KCNT1: variants seen among roughly 807,000 people sequenced by gnomAD.
KCNT1 encodes potassium channel subfamily T member 1.
KCNT1 carries 78 observed loss-of-function variants against 147.8 expected under a neutral mutation model. The ratio of observed to expected loss-of-function variants is 0.53; its 90% confidence interval spans 0.44 to 0.64. The LOEUF is 0.64. Ranked by LOEUF, KCNT1 falls within the 30% of genes least tolerant of loss-of-function variation. The probability of loss-of-function intolerance (pLI) is 0.00; values close to 1 mark genes in which losing one functional copy is unlikely to be tolerated. For missense variants in KCNT1, 1,419 were observed against 1,750.3 expected (o/e 0.81, Z 3.38); for synonymous variants, 867 against 748.8 (o/e 1.16, Z -2.58).
At chr9:135,727,827 G>A (rs1836282392) in intron 2 of KCNT1, among the ~76,000 whole-genome samples, 1 of 152,212 alleles carries the variant, frequency 6.6e-6, no homozygotes, top group Non-Finnish European at 1.5e-5. Flanking sequence ...CAGAGCAGCC[G>A]AAGGATGACC....
chr9:135,710,866 A>G (rs906053719), intron 1 of KCNT1, among the ~76,000 whole-genome samples: 2 of 152,222 alleles, frequency 1.3e-5, no homozygotes, highest in Non-Finnish European at 2.9e-5. Flanking sequence ...TTAGACCCTC[A>G]GGAAGAAGAC....
At chr9:135,725,500 G>T (rs992603966) in intron 2 of KCNT1, among the ~76,000 whole-genome samples, 1 of 152,214 alleles carries the variant, frequency 6.6e-6, no homozygotes, top group African/African-American at 2.4e-5. Context: ...TGGAGACGGC[G>T]GAGGACCCGC....
chr9:135,706,085 G>GA (rs1835243089), intron 1 of KCNT1, among the ~76,000 whole-genome samples: 1 of 152,230 alleles, frequency 6.6e-6, no homozygotes, highest in South Asian at 2.1e-4. Context: ...CCAGCACTGA[G>GA]ATGCAGTAGC....
At chr9:135,715,979 C>A (rs534567713) in intron 2 of KCNT1, among the ~76,000 whole-genome samples, 12 of 152,290 alleles carry the variant, frequency 7.9e-5, no homozygotes, top group African/African-American at 2.9e-4. Context: ...TAATAATGAG[C>A]CCACCTAAGT....
At position 135,752,305 on chromosome 9, in the gene KCNT1, G is replaced by A. The variant is rs113619154; in HGVS notation, c.434+1264G>A. Reference sequence around the variant, plus strand: ...AATCCCCCTTTTCACCTGTTACCCCGTCACAAGGGGGCCTGGCATCCCCAG... The same window carrying A: ...AATCCCCCTTTTCACCTGTTACCCCATCACAAGGGGGCCTGGCATCCCCAG... On this transcript the variant is annotated intron_variant, in intron 4 of 30. Coordinates refer to ENST00000371757, the MANE Select transcript of KCNT1 (RefSeq NM_020822.3). The surrounding 1 kb of genome is among the most constrained non-coding windows in gnomAD (Gnocchi z 5.1). 728 of 453,508 alleles carry A rather than the reference G, an allele frequency of 1.6e-3. 8 individuals carry two copies. The highest frequency in any genetic ancestry group is 0.011 in the African/African-American group (554 of 49,970). The allele number at this position is 453,508 out of a possible 1,614,324, so 28.1% of individuals were successfully genotyped here.
chr9:135,778,368 T>A, intron 21 of KCNT1, 56 bp from the exon 22 acceptor site: 1 of 1,505,952 alleles, frequency 6.6e-7, no homozygotes, highest in Non-Finnish European at 9.0e-7. Context: ...CCACTGGGCC[T>A]GAGGAGGGCA....
At chr9:135,731,057 A>G (rs1170608042) in intron 2 of KCNT1, among the ~76,000 whole-genome samples, 1 of 151,280 alleles carries the variant, frequency 6.6e-6, no homozygotes, top group Non-Finnish European at 1.5e-5. Context: ...TAACCACAGC[A>G]GCAGGAAGCC....
In KCNT1 at chr9:135,792,143, C is replaced by T. The variant is rs141521745; in HGVS notation, c.3690C>T (p.Arg1230=). The change falls in exon 31 of 31, where the codon CGC becomes CGT. Residue 1230 remains arginine, a synonymous_variant. Coordinates refer to ENST00000371757, the MANE Select transcript of KCNT1 (RefSeq NM_020822.3). ...HKLSSCNPET[R]DETQL ...TGTCGTCCTGCAACCCCGAGACTCG[C>T]GACGAGACACAGCTCTGAGCCAGCC... is the stretch of plus-strand genomic sequence containing the variant. 635 of 1,605,818 alleles carry T rather than the reference C, an allele frequency of 4.0e-4. 3 individuals carry two copies. The African/African-American group carries it at 7.3e-3, about 18-fold the overall frequency.
chr9:135,771,990 C>G (rs1452126440), intron 18 of KCNT1, among the ~76,000 whole-genome samples: 1 of 152,208 alleles, frequency 6.6e-6, no homozygotes, highest in African/African-American at 2.4e-5. Context: ...GGCACAGTCT[C>G]CAAGACCCAG....
chr9:135,727,161 C>T (rs1412128618), intron 2 of KCNT1, among the ~76,000 whole-genome samples: 1 of 20,396 alleles, frequency 4.9e-5, no homozygotes, highest in African/African-American at 1.9e-4. Flanking sequence ...TCCCCCCCTC[C>T]CTCCCCCCTT....
intron 12 of KCNT1, 145 bp from the exon 13 acceptor site, chr9:135,765,478 GC>G: frequency 1.1e-6 from 1 of 946,142 alleles, no homozygotes. Context: ...CCCTGCGGGG[GC>G]CCCTCTTTTC....
Position 135,739,911 on chromosome 9 carries a change from G to A in KCNT1, c.255-10187G>A, listed in dbSNP as rs185779278. On this transcript the variant is annotated intron_variant, in intron 2 of 30. Coordinates refer to ENST00000371757, the MANE Select transcript of KCNT1 (RefSeq NM_020822.3). ...GGGGGACACCAGGCCCTGTCTTTCA[G>A]GGGTGTTTGCTGGGCCCACACCTCA... Among the ~76,000 whole-genome samples, 399 of 152,274 alleles carry A rather than the reference G, an allele frequency of 2.6e-3. 2 individuals carry two copies. The highest frequency in any genetic ancestry group is 9.2e-3 in the African/African-American group (381 of 41,566).
At chr9:135,721,400 C>G (rs1835919430) in intron 2 of KCNT1, among the ~76,000 whole-genome samples, 1 of 152,214 alleles carries the variant, frequency 6.6e-6, no homozygotes, top group African/African-American at 2.4e-5. Context: ...GATCCCAGTC[C>G]TGCCCCTGGC....
rs564033644 is a variant in KCNT1 at position 135,780,045 on chromosome 9, C to T, written c.2841+575C>T. ...TGGCTGAGCTGGAATTGGCTTTCTGCCCTTGGAGCTCCATGAAGGGCACCA... is the reference window on the plus strand; with the variant it reads ...TGGCTGAGCTGGAATTGGCTTTCTGTCCTTGGAGCTCCATGAAGGGCACCA... On this transcript the variant is annotated intron_variant, in intron 24 of 30. Coordinates refer to ENST00000371757, the MANE Select transcript of KCNT1 (RefSeq NM_020822.3). Among the ~76,000 whole-genome samples the T allele has an allele frequency of 1.8e-4, 28 of 152,366 alleles. 1 individual carries two copies. In the East Asian group the frequency reaches 5.4e-3, roughly 29 times the overall value.
chr9:135,758,569 G>A (rs761423645), intron 10 of KCNT1, 61 bp downstream of exon 10: 38 of 1,375,106 alleles, frequency 2.8e-5, no homozygotes, highest in Non-Finnish European at 3.9e-5. Flanking sequence ...GAGGCAAGCA[G>A]GGCCGGGCGA....
chr9:135,714,642 C>T lies in KCNT1; in HGVS notation c.176C>T (p.Ser59Phe). The change falls in exon 2 of 31, where the codon TCC becomes TTC. Residue 59 changes from serine to phenylalanine, a missense_variant. By Grantham distance (155) the Ser-to-Phe change is radical (BLOSUM62 -2). Coordinates refer to ENST00000371757, the MANE Select transcript of KCNT1 (RefSeq NM_020822.3). The surrounding 1 kb of genome is among the most constrained non-coding windows in gnomAD (Gnocchi z 6.2). Reference protein sequence around the residue: ...TAGFKMSDLDSEVLPLPPRYR... With the variant: ...TAGFKMSDLDFEVLPLPPRYR... ...GGCTTCAAGATGAGCGACCTGGACT[C>T]CGAGGTGCTGCCCTTGCCGCCGCGC... 6.8e-7 allele frequency: 1 copy of T among 1,479,304 alleles called. No homozygotes were observed. The highest frequency in any genetic ancestry group is 9.0e-7 in the Non-Finnish European group (1 of 1,105,066). 91.6% of individuals were successfully genotyped at this position (1,479,304 alleles called of 1,614,324 possible).
chr9:135,718,342 G>C (rs1297232731), intron 2 of KCNT1, among the ~76,000 whole-genome samples: 3 of 152,200 alleles, frequency 2.0e-5, no homozygotes, highest in Non-Finnish European at 1.5e-5. Context: ...GAGGCCATAG[G>C]GGGCCCAGGT....
rs181908428 is a variant in KCNT1 at position 135,725,008 on chromosome 9, G to A, written c.254+10288G>A. Among the ~76,000 whole-genome samples the A allele has an allele frequency of 7.9e-4, 120 of 152,372 alleles. 3 individuals carry two copies. The East Asian group carries it at 0.02, about 26-fold the overall frequency. ...GATCCTGAGGGTAATCTTGGTGGAAGCAGCGCTGGGGCCTGTCCCTGCCCC... is the reference window on the plus strand; with the variant it reads ...GATCCTGAGGGTAATCTTGGTGGAAACAGCGCTGGGGCCTGTCCCTGCCCC... On this transcript the variant is annotated intron_variant, in intron 2 of 30. Coordinates refer to ENST00000371757, the MANE Select transcript of KCNT1 (RefSeq NM_020822.3).
chr9:135,792,000 C>G, intron 30 of KCNT1, 41 bp from the exon 31 acceptor site: 3 of 1,602,352 alleles, frequency 1.9e-6, no homozygotes, highest in South Asian at 2.2e-5. Context: ...AGGGGCTGCC[C>G]GGCCCACATC....
Sources: allele counts gnomAD v4.1 joint callset (sites outside exome capture counted in the v4.1 genomes callset), GRCh38; gene constraint gnomAD v4.1.1; non-coding constraint Gnocchi (gnomAD v3.1); transcripts MANE v1.5; gene names NCBI Gene and HGNC (gene_info 2026-07-23, HGNC 2026-07-21).